ERC2: variants seen among roughly 807,000 people sequenced by gnomAD.
ERC2 encodes ELKS/RAB6-interacting/CAST family member 2, also known as ERC protein 2.
ERC2 carries 42 observed loss-of-function variants against 114.8 expected under a neutral mutation model. The observed-to-expected ratio is 0.37, with a 90% CI of 0.29 to 0.47. The LOEUF is 0.47. ERC2 is among the 20% of genes least tolerant of loss of function. The pLI is 0.99. For missense variants in ERC2, 939 were observed against 1,150.7 expected, an observed-to-expected ratio of 0.82 and a Z score of 2.66; for synonymous variants, 454 against 425.5, an observed-to-expected ratio of 1.07 and a Z score of -0.82.
At chr3:56,337,883 T>C (rs1576488458) in intron 2 of ERC2, among the ~76,000 whole-genome samples, 1 of 152,160 alleles carries the variant, frequency 6.6e-6, no homozygotes, top group Non-Finnish European at 1.5e-5. Flanking sequence ...AAATAAATGA[T>C]GAAATGATGG....
At chr3:56,368,225 G>C (rs2059230886) in intron 2 of ERC2, among the ~76,000 whole-genome samples, 1 of 149,664 alleles carries the variant, frequency 6.7e-6, no homozygotes, top group African/African-American at 2.5e-5. Context: ...GCTAAGATCG[G>C]TCATACATCA....
chr3:55,530,909 G>A (rs987607767), intron 17 of ERC2, among the ~76,000 whole-genome samples: 2 of 152,168 alleles, frequency 1.3e-5, no homozygotes, highest in Non-Finnish European at 2.9e-5. Flanking sequence ...AGCACGGTTT[G>A]GATTCTAACA....
chr3:55,818,918 G>C (rs555609547), intron 14 of ERC2, among the ~76,000 whole-genome samples: 1 of 152,280 alleles, frequency 6.6e-6, no homozygotes, highest in East Asian at 1.9e-4. Flanking sequence ...AAGTCCACAA[G>C]TATCTTTATG....
At chr3:56,317,930 G>A (rs1402899913) in intron 2 of ERC2, among the ~76,000 whole-genome samples, 1 of 152,126 alleles carries the variant, frequency 6.6e-6, no homozygotes, top group Non-Finnish European at 1.5e-5. Context: ...AGATATTTGA[G>A]AGATATTTTC....
intron 7 of ERC2, among the ~76,000 whole-genome samples, chr3:56,054,177 A>G (rs1003556295): frequency 6.6e-6 from 1 of 152,240 alleles, no homozygotes; most frequent in Non-Finnish European, 1.5e-5. Flanking sequence ...AAAATTGTGT[A>G]CAGTACCTGC....
intron 12 of ERC2, among the ~76,000 whole-genome samples, chr3:55,954,013 G>A (rs1472812246): frequency 7.7e-6 from 1 of 130,416 alleles, no homozygotes; most frequent in Non-Finnish European, 1.5e-5. Context: ...CCAGAACCAA[G>A]TATCACTCTT....
intron 15 of ERC2, among the ~76,000 whole-genome samples, chr3:55,706,769 C>T (rs1359550069): frequency 2.2e-4 from 33 of 152,144 alleles, no homozygotes; most frequent in Non-Finnish European, 5.9e-5. Flanking sequence ...GAATAATTAA[C>T]AAGCCTGCAC....
chr3:55,634,162 G>A (rs1011271687), intron 17 of ERC2, among the ~76,000 whole-genome samples: 2 of 152,210 alleles, frequency 1.3e-5, no homozygotes, highest in African/African-American at 4.8e-5. Context: ...GAGGAATGCA[G>A]GTCACAGAAT....
intron 2 of ERC2, among the ~76,000 whole-genome samples, chr3:56,371,602 C>A (rs1405610294): frequency 2.0e-5 from 3 of 152,182 alleles, no homozygotes; most frequent in African/African-American, 7.2e-5. Context: ...GGGCCTTGTG[C>A]AAGATACTAG....
intron 14 of ERC2, among the ~76,000 whole-genome samples, chr3:55,750,144 G>C (rs566334142): frequency 1.6e-4 from 23 of 143,362 alleles, no homozygotes; most frequent in African/African-American, 3.2e-4. Flanking sequence ...CTTGCAAACT[G>C]ATCTGGTAAA....
intron 1 of ERC2, among the ~76,000 whole-genome samples, chr3:56,466,510 G>C (rs2063549987): frequency 6.6e-6 from 1 of 152,106 alleles, no homozygotes; most frequent in Non-Finnish European, 1.5e-5. Flanking sequence ...AACTGTAAAA[G>C]TATTTTATTA....
chr3:56,008,977 T>G (rs1434425001), intron 9 of ERC2, among the ~76,000 whole-genome samples: 1 of 152,178 alleles, frequency 6.6e-6, no homozygotes, highest in Admixed American at 6.5e-5. Flanking sequence ...TTTAACGTGG[T>G]TCTGTTTTTC....
rs368102047 is a variant in ERC2, at chr3:56,180,678, T to C, written c.1075-7158A>G. 7.2e-5 allele frequency among the ~76,000 whole-genome samples: 11 copies of C among 152,256 alleles called. No individual in the cohort carries two copies. In the East Asian group the frequency reaches 1.4e-3, roughly 19 times the overall value. On this transcript the variant is annotated intron_variant, in intron 3 of 17. Transcript: ENST00000288221. The stretch of plus-strand genomic sequence containing the variant: ...TAGGCAGAAATGAGGAGTTGTATAA[T>C]GGGTACAGAGTTTCAGTTTTGCAAG...
At chr3:55,531,773 G>C (rs2053683800) in intron 17 of ERC2, among the ~76,000 whole-genome samples, 1 of 152,196 alleles carries the variant, frequency 6.6e-6, no homozygotes, top group Non-Finnish European at 1.5e-5. Context: ...CGAATGGTTT[G>C]CCTTTCCCTG....
At position 56,349,081 on chromosome 3, in the gene ERC2, T is replaced by C. The variant is rs573014316; in HGVS notation, c.658-52646A>G. Among the ~76,000 whole-genome samples, 72 of 152,128 alleles carry C rather than the reference T, an allele frequency of 4.7e-4. 1 individual carries two copies. The highest frequency in any genetic ancestry group is 7.9e-4 in the Non-Finnish European group (54 of 67,966). ...ACTTAAAAAAATTAACAGAAGAAAA[T>C]AGCTCTCTAAAGCAAAGCTTTTAGA... On this transcript the variant is annotated intron_variant, in intron 2 of 17. Transcript: ENST00000288221.
intron 7 of ERC2, among the ~76,000 whole-genome samples, chr3:56,051,775 G>A (rs773736518): frequency 1.3e-5 from 2 of 150,886 alleles, no homozygotes; most frequent in Non-Finnish European, 1.5e-5. Flanking sequence ...GCAGTGAGCC[G>A]AGATCGCGCC....
chr3:56,400,943 A>G (rs1374929593), intron 2 of ERC2, among the ~76,000 whole-genome samples: 1 of 152,210 alleles, frequency 6.6e-6, no homozygotes, highest in Non-Finnish European at 1.5e-5. Flanking sequence ...AGCTTTATTA[A>G]CCACGATCTT....
intron 10 of ERC2, among the ~76,000 whole-genome samples, chr3:55,997,909 T>TGG (rs2071693399): frequency 5.6e-5 from 1 of 18,006 alleles, no homozygotes; most frequent in Non-Finnish European, 1.2e-4. Flanking sequence ...TTTTTTTTTG[T>TGG]GTGTGTGTGT....
At chr3:56,099,382 C>G (rs563817551) in intron 6 of ERC2, among the ~76,000 whole-genome samples, 2 of 152,336 alleles carry the variant, frequency 1.3e-5, no homozygotes, top group Admixed American at 6.5e-5. Flanking sequence ...ATCCACTTAC[C>G]ACTACCAGCT....
Sources: gnomAD v4.1 joint callset for allele counts (sites outside exome capture counted in the v4.1 genomes callset) on GRCh38, gnomAD v4.1.1 for gene constraint, MANE v1.5 for transcripts, NCBI Gene and HGNC (gene_info 2026-07-23, HGNC 2026-07-21) for gene names.